Variants in ARHGAP9 observed in about 807,000 individuals in gnomAD.
ARHGAP9 encodes the protein Rho GTPase activating protein 9, also known as rho GTPase-activating protein 9.
In ARHGAP9, 76 loss-of-function variants were observed where a neutral mutation model predicts 87.3. That is an observed-to-expected ratio of 0.87 (90% CI 0.72 to 1.05). The LOEUF is 1.05. ARHGAP9 is among the 50% of genes least tolerant of loss of function. The probability of loss-of-function intolerance (pLI) is 0.00; values close to 1 mark genes in which losing one functional copy is unlikely to be tolerated. For missense variants in ARHGAP9, 941 were observed against 960.5 expected (o/e 0.98, Z 0.27); for synonymous variants, 382 against 394.9 (o/e 0.97, Z 0.39).
chr12:57,488,718 T>A, exon 1 of ARHGAP9: 1 of 1,440,898 alleles, frequency 6.9e-7, no homozygotes, highest in Non-Finnish European at 9.5e-7. Flanking sequence ...CAGATAATTA[T>A]GAAGATATCC....
intron 10 of ARHGAP9, 25 bp from the exon 11 acceptor site, chr12:57,475,640 A>T: frequency 6.2e-7 from 1 of 1,601,796 alleles, no homozygotes; most frequent in Non-Finnish European, 8.5e-7. Context: ...GGCCGTGTCG[A>T]AGGTGAGAGA....
intron 1 of ARHGAP9, 47 bp from the exon 2 acceptor site, chr12:57,479,471 C>A (rs1343399799): frequency 6.4e-7 from 1 of 1,564,944 alleles, no homozygotes; most frequent in South Asian, 1.2e-5. Context: ...ATAGGCCTGG[C>A]TGTCTCCAGG....
chr12:57,475,966 G>A (rs1016447802), intron 9 of ARHGAP9, 35 bp from the exon 10 acceptor site: 16 of 1,595,510 alleles, frequency 1.0e-5, no homozygotes, highest in Non-Finnish European at 1.4e-5. Flanking sequence ...CGGGTCAACG[G>A]GAAGGAGTAT....
chr12:57,483,085 C>T (rs1249914222), upstream of ARHGAP9, among the ~76,000 whole-genome samples: 1 of 147,664 alleles, frequency 6.8e-6, no homozygotes, highest in Admixed American at 6.7e-5. Context: ...GGTGACGGAG[C>T]GAGACTCTGT....
At chr12:57,487,767 T>G (rs1185440530) in intron 1 of ARHGAP9, 1 of 293,272 alleles carries the variant, frequency 3.4e-6, no homozygotes, top group African/African-American at 2.3e-5. Flanking sequence ...GAGAATCACT[T>G]GAACCCTGGA....
At chr12:57,480,795 C>A (rs1874929818), upstream of ARHGAP9, 1 of 1,550,460 alleles carries the variant, frequency 6.4e-7, no homozygotes, top group Non-Finnish European at 8.7e-7. Flanking sequence ...CTCCTCTTTT[C>A]CTCTTCTCTC....
intron 3 of ARHGAP9, 76 bp downstream of exon 3, chr12:57,478,464 G>C: frequency 7.0e-7 from 1 of 1,424,214 alleles, no homozygotes; most frequent in Non-Finnish European, 9.8e-7. Flanking sequence ...TCATCCCCAG[G>C]GGAGTCCCCT....
At chr12:57,478,386 C>A in intron 3 of ARHGAP9, 154 bp downstream of exon 3, 2 of 759,180 alleles carry the variant, frequency 2.6e-6, no homozygotes, top group South Asian at 1.8e-5. Context: ...CACTCTCCAC[C>A]ACATTAACTT....
chr12:57,474,633 C>G lies in ARHGAP9; in HGVS notation c.1722G>C (p.Val574=), dbSNP rs747233606. The change falls in exon 14 of 18, where the codon GTG becomes GTC. Residue 574 remains valine (V), a synonymous_variant. Transcript: ENST00000393791. ...GCCCACAAGCCTTCTCACCTCTGTC[C>G]ACCAGAAAGCGAAGCTTCTGGACCA... The part of the protein sequence containing the change: ...LAVVQKLRFL[V]DRERAVTSDG... 2 of 1,614,068 alleles carry G rather than the reference C, an allele frequency of 1.2e-6. No individual in the cohort carries two copies. The highest frequency in any genetic ancestry group is 2.7e-5 in the African/African-American group (2 of 74,916).
chr12:57,480,909 TC>T, upstream of ARHGAP9: 2 of 1,394,970 alleles, frequency 1.4e-6, no homozygotes, highest in South Asian at 2.5e-5. Flanking sequence ...CCAGCTCTCT[TC>T]CCCTGAGGGC....
intron 1 of ARHGAP9, among the ~76,000 whole-genome samples, chr12:57,485,669 T>G (rs965273178): frequency 6.6e-6 from 1 of 152,162 alleles, no homozygotes; most frequent in African/African-American, 2.4e-5. Context: ...CATAAGTTAC[T>G]GGGCCTGGCC....
At position 57,473,671 on chromosome 12, in the gene ARHGAP9, T is replaced by C. The variant is rs748982875; in HGVS notation, c.1956A>G (p.Gln652=). The C allele has an allele frequency of 1.2e-6, 2 of 1,613,970 alleles. No individual in the cohort carries two copies. The highest frequency in any genetic ancestry group is 1.7e-6 in the Non-Finnish European group (2 of 1,179,984). ...SESEQCLSQI[Q]ELIGSMPKPN... ...GCTTTGGCATTGAGCCTATTAATTC[T>C]TGTATCTGAGAGAGGCACTGCTCTG... The change falls in exon 17 of 18, where the codon CAA becomes CAG. Residue 652 remains glutamine, a synonymous_variant. Coordinates refer to ENST00000393791, the MANE Select transcript of ARHGAP9 (RefSeq NM_032496.4).
At position 57,476,150 on chromosome 12, in the gene ARHGAP9, C is replaced by T. The variant is rs1873577818; in HGVS notation, c.1133G>A (p.Arg378Gln). ...PSSGWGPAGS[R>Q]PESSVDLRGA... ...GCGCAGGTCCACGCTACTTTCGGGCCGGCTACCCGCTGGTCCCTGACAATG... is the reference window on the plus strand; with the variant it reads ...GCGCAGGTCCACGCTACTTTCGGGCTGGCTACCCGCTGGTCCCTGACAATG... Residue 378 changes from arginine to glutamine, a missense_variant, in exon 9 of 18, where the codon CGG (arginine) becomes CAG (glutamine). Coordinates refer to ENST00000393791, the MANE Select transcript of ARHGAP9 (RefSeq NM_032496.4). The T allele has an allele frequency of 6.5e-7, 1 of 1,542,326 alleles. No homozygotes were observed. The highest frequency in any genetic ancestry group is 2.4e-5 in the East Asian group (1 of 40,822).
At position 57,476,130 on chromosome 12, in the gene ARHGAP9, G is replaced by C; in HGVS notation, c.1153C>G (p.Leu385Val). 6.5e-7 allele frequency: 1 copy of C among 1,543,460 alleles called. No individual in the cohort carries two copies. The highest frequency in any genetic ancestry group is 1.2e-5 in the South Asian group (1 of 83,632). ...CCGTGCGCCAGGGCCGCCCCGCGCA[G>C]GTCCACGCTACTTTCGGGCCGGCTA... ...AGSRPESSVD[L>V]RGAALAHGRH... The change falls in exon 9 of 18, where the codon CTG (leucine) becomes GTG (valine). Residue 385 changes from leucine (L) to valine (V), a missense_variant. Leu to Val is a conservative substitution (Grantham distance 32). Transcript: ENST00000393791.
At chr12:57,488,285 C>CT in intron 1 of ARHGAP9, 1 of 1,290,718 alleles carries the variant, frequency 7.7e-7, no homozygotes. Flanking sequence ...TGCCAAACCC[C>CT]TAGCCCTCGC....
chr12:57,476,905 G>A lies in ARHGAP9; in HGVS notation c.929C>T (p.Pro310Leu). ...GTCCAGGAGCTGCGGCAGAGGTCGA[G>A]GGGCCTGCAAGGCTGGAGGGTCAAG... Reference protein sequence around the residue: ...SQLDPPALQAPRPLPQLLDDP... With the variant: ...SQLDPPALQALRPLPQLLDDP... The change falls in exon 6 of 18, where the codon CCT becomes CTT. Residue 310 changes from proline (P) to leucine (L), a missense_variant. Physicochemically the swap from Pro to Leu is moderately conservative, Grantham distance 98 (BLOSUM62 -3). Coordinates refer to ENST00000393791, the MANE Select transcript of ARHGAP9 (RefSeq NM_032496.4). 6.2e-7 allele frequency: 1 copy of A among 1,614,028 alleles called. No individual in the cohort carries two copies. Among genetic ancestry groups the A allele is most frequent in the Non-Finnish European group, 8.5e-7 (1 of 1,179,982 alleles).
chr12:57,486,660 C>T lies in ARHGAP9; in HGVS notation c.-204+1952G>A, dbSNP rs1385016465. On this transcript the variant is annotated intron_variant, in intron 1 of 20. Coordinates refer to the ARHGAP9 transcript ENST00000393797. ...CAGCACTTTGGGAGGCTGAGGCGGG[C>T]GGATCACGAGGTCGGGGGATCGAGA... is the stretch of plus-strand genomic sequence containing the variant. Among the ~76,000 whole-genome samples, 16 of 143,046 alleles carry T rather than the reference C, an allele frequency of 1.1e-4. 1 individual carries two copies. The highest frequency in any genetic ancestry group is 3.2e-4 in the African/African-American group (13 of 40,156). The allele number at this position is 143,046 out of a possible 152,430, so 93.8% of individuals were successfully genotyped here.
At chr12:57,476,255 C>G in intron 8 of ARHGAP9, 89 bp from the exon 9 acceptor site, 8 of 1,497,756 alleles carry the variant, frequency 5.3e-6, no homozygotes, top group Non-Finnish European at 7.2e-6. Context: ...TGGGAGGCTT[C>G]CTCACTTCTT....
chr12:57,472,759 T>G, intron 17 of ARHGAP9, 71 bp from the exon 18 acceptor site: 1 of 1,523,390 alleles, frequency 6.6e-7, no homozygotes. Context: ...AACTAACCCT[T>G]CAAAGTTCTG....
Sources: allele counts gnomAD v4.1 joint callset (sites outside exome capture counted in the v4.1 genomes callset), GRCh38; gene constraint gnomAD v4.1.1; transcripts MANE v1.5; gene names NCBI Gene and HGNC (gene_info 2026-07-23, HGNC 2026-07-21).